Variants in ELF2 observed in about 807,000 individuals in gnomAD.
ELF2 encodes the protein ETS-related transcription factor Elf-2.
ELF2 carries 11 observed loss-of-function variants against 54.8 expected under a neutral mutation model. The ratio of observed to expected loss-of-function variants is 0.20; its 90% confidence interval spans 0.13 to 0.33. ELF2 has a LOEUF of 0.33. Among genes scored for constraint, ELF2 ranks in the 10% least tolerant of loss-of-function variants. The probability of loss-of-function intolerance (pLI) is 1.00; values close to 1 mark genes in which losing one functional copy is unlikely to be tolerated. For missense variants in ELF2, 513 were observed against 703.0 expected (o/e 0.73, Z 3.06); for synonymous variants, 203 against 245.1 (o/e 0.83, Z 1.61).
At chr4:139,073,396 A>G in intron 5 of ELF2, 58 bp downstream of exon 5, 2 of 1,283,960 alleles carry the variant, frequency 1.6e-6, no homozygotes, top group Non-Finnish European at 2.1e-6. Flanking sequence ...AAAAAACTTT[A>G]TTTTAGACAT....
chr4:139,145,264 TTACAACCAA>T (rs1178659839), intron 1 of ELF2, among the ~76,000 whole-genome samples: 1 of 152,212 alleles, frequency 6.6e-6, no homozygotes, highest in Non-Finnish European at 1.5e-5. Flanking sequence ...CTACGGCTAT[TTACAACCAA>T]GGAATCTCAC....
At chr4:139,137,091 T>A (rs1738258714) in intron 3 of ELF2, 1 of 152,452 alleles carries the variant, frequency 6.6e-6, no homozygotes, top group Admixed American at 6.5e-5. Flanking sequence ...AATAACCAAA[T>A]ATGCTAATGA....
At chr4:139,061,051 C>A (rs1423972322) in intron 8 of ELF2, among the ~76,000 whole-genome samples, 1 of 152,102 alleles carries the variant, frequency 6.6e-6, no homozygotes, top group African/African-American at 2.4e-5. Context: ...TTACCTAAGC[C>A]ACACTTACTT....
In ELF2 at chr4:139,058,402, T is replaced by C. The variant is rs1261685386; in HGVS notation, c.*581A>G. The stretch of plus-strand genomic sequence containing the variant: ...GCTTAAGCTATATGATATATATATA[T>C]GTATGTATATATATATATATATATA... On this transcript the variant is annotated 3_prime_UTR_variant, in exon 10 of 10. Coordinates refer to ENST00000686138, the MANE Select transcript of ELF2 (RefSeq NM_001331036.3). The C allele has an allele frequency of 1.0e-5, 1 of 95,678 alleles. No individual in the cohort carries two copies. Among genetic ancestry groups the C allele is most frequent in the Non-Finnish European group, 2.1e-5 (1 of 46,532 alleles). The allele number at this position is 95,678 out of a possible 1,614,324, so 5.9% of individuals were successfully genotyped here. A position where few individuals can be genotyped will look rare whatever the true frequency, so the allele number is the denominator to read the frequency against.
At chr4:139,111,226 T>A (rs1313474469) in intron 4 of ELF2, among the ~76,000 whole-genome samples, 1 of 152,222 alleles carries the variant, frequency 6.6e-6, no homozygotes, top group Non-Finnish European at 1.5e-5. Context: ...AGCAGTTGTT[T>A]GTATGCAGCG....
intron 3 of ELF2, among the ~76,000 whole-genome samples, chr4:139,128,524 C>CTT (rs572395535): frequency 3.6e-5 from 5 of 139,956 alleles, no homozygotes; most frequent in Admixed American, 7.2e-5. Flanking sequence ...TATTTTTTTG[C>CTT]TTTTTTTTTT....
chr4:139,171,653 G>C (rs1742324217), intron 1 of ELF2, among the ~76,000 whole-genome samples: 1 of 151,996 alleles, frequency 6.6e-6, no homozygotes, highest in South Asian at 2.1e-4. Context: ...GCCGGGCATG[G>C]TGGCTCACGC....
chr4:139,061,167 C>T (rs1184829641), intron 8 of ELF2, among the ~76,000 whole-genome samples: 1 of 150,086 alleles, frequency 6.7e-6, no homozygotes, highest in African/African-American at 2.4e-5. Flanking sequence ...GTGGGTTTAT[C>T]AAACTGATAA....
At chr4:139,156,141 A>G in intron 1 of ELF2, among the ~76,000 whole-genome samples, 1 of 152,120 alleles carries the variant, frequency 6.6e-6, no homozygotes. Context: ...TCCAGTTAAC[A>G]TGTTATTAAT....
intron 4 of ELF2, among the ~76,000 whole-genome samples, chr4:139,079,674 G>A (rs1042869691): frequency 6.6e-6 from 1 of 152,178 alleles, no homozygotes; most frequent in African/African-American, 2.4e-5. Context: ...CACTTTGGGA[G>A]GCCAAGGCAG....
chr4:139,069,893 C>A (rs1259918209), intron 6 of ELF2, among the ~76,000 whole-genome samples: 3 of 151,832 alleles, frequency 2.0e-5, no homozygotes, highest in Non-Finnish European at 4.4e-5. Context: ...GTCGCCCAGG[C>A]TGGAATGCAG....
chr4:139,067,524 A>C, intron 7 of ELF2, 160 bp downstream of exon 7: 1 of 643,758 alleles, frequency 1.6e-6, no homozygotes, highest in Non-Finnish European at 2.6e-6. Context: ...ATTTTGAAAA[A>C]GCTCCCCACG....
intron 4 of ELF2, among the ~76,000 whole-genome samples, chr4:139,080,136 A>G (rs1401246674): frequency 6.6e-6 from 1 of 152,144 alleles, no homozygotes; most frequent in Non-Finnish European, 1.5e-5. Context: ...TTCTCCACCA[A>G]CCAAATTTGT....
chr4:139,136,420 A>G (rs1225250205), intron 3 of ELF2, among the ~76,000 whole-genome samples: 1 of 148,686 alleles, frequency 6.7e-6, no homozygotes, highest in Non-Finnish European at 1.5e-5. Flanking sequence ...ACCAAGGAGC[A>G]AAAAAAAAAG....
intron 4 of ELF2, among the ~76,000 whole-genome samples, chr4:139,103,883 A>G (rs1734157461): frequency 1.3e-5 from 2 of 152,244 alleles, no homozygotes; most frequent in South Asian, 4.1e-4. Flanking sequence ...ACTCACTAAC[A>G]AATAATTGTT....
chr4:139,079,675 G>C (rs1162504181), intron 4 of ELF2, among the ~76,000 whole-genome samples: 1 of 152,178 alleles, frequency 6.6e-6, no homozygotes, highest in African/African-American at 2.4e-5. Context: ...ACTTTGGGAG[G>C]CCAAGGCAGG....
chr4:139,151,434 C>T (rs1739986388), intron 1 of ELF2, among the ~76,000 whole-genome samples: 2 of 152,122 alleles, frequency 1.3e-5, no homozygotes, highest in South Asian at 2.1e-4. Flanking sequence ...CTCCCACCCC[C>T]AAAAAGGTGG....
intron 5 of ELF2, 128 bp from the exon 6 acceptor site, chr4:139,072,167 A>G: frequency 4.7e-6 from 4 of 853,444 alleles, no homozygotes; most frequent in Non-Finnish European, 7.1e-6. Context: ...CTTAATACTG[A>G]AGAAGTTAAT....
intron 4 of ELF2, among the ~76,000 whole-genome samples, chr4:139,114,562 CACACACACACA>C (rs1271926014): frequency 9.9e-5 from 1 of 10,144 alleles, no homozygotes; most frequent in Admixed American, 9.9e-4. Context: ...ACTTCAGTCT[CACACACACACA>C]CACACACACA....
Sources: gnomAD v4.1 joint callset for allele counts (sites outside exome capture counted in the v4.1 genomes callset) on GRCh38, gnomAD v4.1.1 for gene constraint, MANE v1.5 for transcripts, NCBI Gene and HGNC (gene_info 2026-07-23, HGNC 2026-07-21) for gene names.